The following SYNDIG1 variants were observed in gnomAD, a reference collection of about 807,000 sequenced individuals.
SYNDIG1 encodes the protein synapse differentiation-inducing gene protein 1.
Under a neutral mutation model 19.4 loss-of-function variants are expected in SYNDIG1, and 9 were observed. The ratio of observed to expected loss-of-function variants is 0.46; its 90% confidence interval spans 0.28 to 0.81. SYNDIG1 has a LOEUF of 0.81. SYNDIG1 is among the 30% of genes least tolerant of loss of function. The pLI is 0.12. For missense variants in SYNDIG1, 311 were observed against 343.3 expected, an observed-to-expected ratio of 0.91 and a Z score of 0.74; for synonymous variants, 141 against 145.9, an observed-to-expected ratio of 0.97 and a Z score of 0.24.
At chr20:24,531,234 G>A (rs959867661) in intron 1 of SYNDIG1, among the ~76,000 whole-genome samples, 1 of 152,036 alleles carries the variant, frequency 6.6e-6, no homozygotes, top group Non-Finnish European at 1.5e-5. Context: ...CAATATAATC[G>A]GCATTCGAGT....
chr20:24,653,185 T>C (rs1003647363), intron 3 of SYNDIG1, among the ~76,000 whole-genome samples: 5 of 152,110 alleles, frequency 3.3e-5, no homozygotes, highest in Non-Finnish European at 7.4e-5. Context: ...AGAATGGACG[T>C]GGAGCAACAA....
intron 3 of SYNDIG1, among the ~76,000 whole-genome samples, chr20:24,618,735 G>A (rs2058989193): frequency 6.6e-6 from 1 of 152,160 alleles, no homozygotes; most frequent in African/African-American, 2.4e-5. Flanking sequence ...GAGAAGAGCT[G>A]CTGTGACCTT....
chr20:24,642,200 C>T (rs528476159), intron 3 of SYNDIG1, among the ~76,000 whole-genome samples: 4 of 152,290 alleles, frequency 2.6e-5, no homozygotes, highest in South Asian at 2.1e-4. Flanking sequence ...ATGGCCTTGA[C>T]AATTTTGCAG....
intron 2 of SYNDIG1, among the ~76,000 whole-genome samples, chr20:24,563,353 T>G (rs2057981106): frequency 6.6e-6 from 1 of 152,168 alleles, no homozygotes; most frequent in South Asian, 2.1e-4. Flanking sequence ...ATCTTAAAAC[T>G]TGAAAAAGTT....
At position 24,496,303 on chromosome 20, in the gene SYNDIG1, G is replaced by A. The variant is rs143454924; in HGVS notation, c.-79+26550G>A. On this transcript the variant is annotated intron_variant, in intron 1 of 3. Coordinates refer to ENST00000376862, the MANE Select transcript of SYNDIG1 (RefSeq NM_024893.3). ...GGGACCGCACTGAATCTATGGCTGC[G>A]TTTGAGAAGTGTTGCCGTCTAATGA... Among the ~76,000 whole-genome samples the A allele has an allele frequency of 2.9e-3, 436 of 152,286 alleles. 7 individuals carry two copies. The highest frequency in any genetic ancestry group is 9.9e-3 in the African/African-American group (412 of 41,554).
intron 2 of SYNDIG1, among the ~76,000 whole-genome samples, chr20:24,565,152 G>A (rs1333143084): frequency 6.6e-6 from 1 of 152,188 alleles, no homozygotes; most frequent in African/African-American, 2.4e-5. Flanking sequence ...GATACCATAT[G>A]TTAGGGGACA....
chr20:24,560,694 C>CTTTTTTTTTTTTTTTT lies in SYNDIG1; in HGVS notation c.480+17123_480+17138dup, dbSNP rs10658853. 4.4e-5 allele frequency among the ~76,000 whole-genome samples: 5 copies of CTTTTTTTTTTTTTTTT among 113,822 alleles called. 2 individuals are homozygous for CTTTTTTTTTTTTTTTT. The highest frequency in any genetic ancestry group is 6.7e-5 in the African/African-American group (2 of 29,856). 74.7% of individuals were successfully genotyped at this position (113,822 alleles called of 152,430 possible). ...CCCCCGAGACAGTTTCTGTTGACTA[C>CTTTTTTTTTTTTTTTT]TTTTTTTTTTTTTTTTTTTTTAAAC... On this transcript the variant is annotated intron_variant, in intron 2 of 3. Coordinates refer to ENST00000376862, the MANE Select transcript of SYNDIG1 (RefSeq NM_024893.3).
rs111603880 is a variant in SYNDIG1 at position 24,658,878 on chromosome 20, A to C, written c.619-6468A>C. 8.5e-5 allele frequency among the ~76,000 whole-genome samples: 13 copies of C among 152,218 alleles called. No individual in the cohort carries two copies. Among genetic ancestry groups the C allele is most frequent in the African/African-American group, 2.9e-4 (12 of 41,532 alleles). ...AATTAGTTAAAATTAAATAATATTA[A>C]AATTCGGTTCTGCAGTCACATGAGC... On this transcript the variant is annotated intron_variant, in intron 3 of 3. Coordinates refer to ENST00000376862, the MANE Select transcript of SYNDIG1 (RefSeq NM_024893.3). The surrounding 1 kb of genome is among the most constrained non-coding windows in gnomAD (Gnocchi z 4.4).
intron 1 of SYNDIG1, among the ~76,000 whole-genome samples, chr20:24,534,288 C>A (rs1484040230): frequency 6.6e-6 from 1 of 152,150 alleles, no homozygotes; most frequent in Admixed American, 6.5e-5. Flanking sequence ...AAGCAGGGGG[C>A]CCCCTCCTCA....
intron 2 of SYNDIG1, among the ~76,000 whole-genome samples, chr20:24,546,827 C>A (rs2057586739): frequency 6.6e-6 from 1 of 151,742 alleles, no homozygotes; most frequent in East Asian, 1.9e-4. Flanking sequence ...ATGACAACTA[C>A]TGAAACAAAA....
chr20:24,515,987 A>G (rs778668285), intron 1 of SYNDIG1, among the ~76,000 whole-genome samples: 633 of 152,354 alleles, frequency 4.2e-3, no homozygotes, highest in Middle Eastern at 0.021. Context: ...GTACCAAAAC[A>G]GAGATACAGA....
intron 3 of SYNDIG1, among the ~76,000 whole-genome samples, chr20:24,627,990 G>C (rs896527410): frequency 1.3e-5 from 2 of 152,192 alleles, no homozygotes; most frequent in African/African-American, 4.8e-5. Context: ...TCATGTCATT[G>C]GTGTGCAGCG....
intron 3 of SYNDIG1, among the ~76,000 whole-genome samples, chr20:24,640,495 AAGGAAG>A (rs2059364667): frequency 7.2e-6 from 1 of 138,708 alleles, no homozygotes; most frequent in Non-Finnish European, 1.6e-5. Flanking sequence ...GGAAGGAAGG[AAGGAAG>A]GAAGGAAGGA....
chr20:24,506,071 C>T (rs562248076), intron 1 of SYNDIG1, among the ~76,000 whole-genome samples: 1 of 152,314 alleles, frequency 6.6e-6, no homozygotes, highest in East Asian at 1.9e-4. Flanking sequence ...ACTTAGCTCC[C>T]ACCAACTCTC....
At position 24,515,291 on chromosome 20, in the gene SYNDIG1, G is replaced by A. The variant is rs184079447; in HGVS notation, c.-78-27729G>A. On this transcript the variant is annotated intron_variant, in intron 1 of 3. Transcript: ENST00000376862. ...AACTAAGATCAGAGAAGAACTGAAGGAGATAGAGACACAAAAAACCCTTCA... is the reference window on the plus strand; with the variant it reads ...AACTAAGATCAGAGAAGAACTGAAGAAGATAGAGACACAAAAAACCCTTCA... 3.8e-3 allele frequency among the ~76,000 whole-genome samples: 575 copies of A among 152,218 alleles called. 4 individuals carry two copies. Among genetic ancestry groups the A allele is most frequent in the Non-Finnish European group, 5.3e-3 (362 of 68,024 alleles).
intron 2 of SYNDIG1, among the ~76,000 whole-genome samples, chr20:24,581,957 G>C (rs183738011): frequency 5.7e-5 from 8 of 139,556 alleles, no homozygotes; most frequent in Admixed American, 2.1e-4. Flanking sequence ...CCTGCTGCAC[G>C]TCCTCCCCAC....
chr20:24,496,761 C>A (rs1452961886), intron 1 of SYNDIG1, among the ~76,000 whole-genome samples: 3 of 152,186 alleles, frequency 2.0e-5, no homozygotes. Flanking sequence ...GACACTAAAG[C>A]ACTATATCCC....
chr20:24,525,182 T>C (rs1260564508), intron 1 of SYNDIG1, among the ~76,000 whole-genome samples: 2 of 152,086 alleles, frequency 1.3e-5, no homozygotes, highest in African/African-American at 4.8e-5. Context: ...CGTTTCTAAA[T>C]GAACGTGGTT....
At chr20:24,582,301 A>C (rs1486636501) in intron 2 of SYNDIG1, among the ~76,000 whole-genome samples, 15 of 28,686 alleles carry the variant, frequency 5.2e-4, no homozygotes, top group African/African-American at 5.9e-4. Context: ...CGTCCTCCCC[A>C]TTGCACGCCC....
Sources: allele counts gnomAD v4.1 joint callset (sites outside exome capture counted in the v4.1 genomes callset), GRCh38; gene constraint gnomAD v4.1.1; non-coding constraint Gnocchi (gnomAD v3.1); transcripts MANE v1.5; gene names NCBI Gene and HGNC (gene_info 2026-07-23, HGNC 2026-07-21).